Variants in ABLIM1 observed in about 807,000 individuals in gnomAD.
ABLIM1 encodes actin-binding LIM protein 1.
A neutral mutation model predicts 107.0 loss-of-function variants in ABLIM1; 40 were observed. The ratio of observed to expected loss-of-function variants is 0.37; its 90% CI spans 0.29 to 0.49. The LOEUF is 0.49. Ranked by LOEUF, ABLIM1 falls within the 20% of genes least tolerant of loss-of-function variation. The pLI is 0.97. For missense variants in ABLIM1, 857 were observed against 1,008.5 expected (o/e 0.85, Z 2.04); for synonymous variants, 357 against 357.3 (o/e 1.00, Z 0.01).
chr10:114,562,241 A>G (rs2069830997), intron 4 of ABLIM1, among the ~76,000 whole-genome samples: 1 of 152,122 alleles, frequency 6.6e-6, no homozygotes, highest in Admixed American at 6.5e-5. Flanking sequence ...TCTTAAAAAC[A>G]TGTTTTGGCC....
At chr10:114,485,502 A>T in intron 8 of ABLIM1, 1 of 810,870 alleles carries the variant, frequency 1.2e-6, no homozygotes, top group South Asian at 2.1e-5. Context: ...GAGAGTAAAC[A>T]TCAAGTGGGA....
In ABLIM1 at chr10:114,601,918, G is replaced by T; in HGVS notation, c.288C>A (p.Val96=). ...QDPHHPSEKP[V]IHCHKCGEPC... The stretch of plus-strand genomic sequence containing the variant: ...GCTCCCCACATTTATGGCAGTGAAT[G>T]ACAGGCTTCTCTGATGGGTGGTGAG... Residue 96 remains valine, a synonymous_variant, in exon 2 of 23, where the codon GTC becomes GTA. Transcript: ENST00000533213. The T allele has an allele frequency of 6.2e-7, 1 of 1,614,170 alleles. No homozygotes were observed. The highest frequency in any genetic ancestry group is 8.5e-7 in the Non-Finnish European group (1 of 1,180,032).
chr10:114,559,542 T>C (rs2069353724), intron 4 of ABLIM1, among the ~76,000 whole-genome samples: 1 of 151,428 alleles, frequency 6.6e-6, no homozygotes, highest in African/African-American at 2.4e-5. Flanking sequence ...ATGGCTGTAG[T>C]GGACAGGATG....
At chr10:114,580,205 T>TTATATATTATATA (rs560754012) in intron 2 of ABLIM1, among the ~76,000 whole-genome samples, 5,832 of 144,690 alleles carry the variant, frequency 0.04, 135 homozygotes, top group African/African-American at 0.054. Flanking sequence ...ATATTATATA[T>TTATATATTATATA]TATATATATA....
At chr10:114,630,436 G>A (rs1432823854) in intron 1 of ABLIM1, among the ~76,000 whole-genome samples, 2 of 152,118 alleles carry the variant, frequency 1.3e-5, no homozygotes, top group African/African-American at 2.4e-5. Context: ...TATTCACACC[G>A]AATCATTTCA....
rs111593074 is a variant in ABLIM1 at position 114,569,945 on chromosome 10, C to A, written c.673+1352G>T. Among the ~76,000 whole-genome samples, 1,110 of 152,282 alleles carry A rather than the reference C, an allele frequency of 7.3e-3. 12 individuals carry two copies. The highest frequency in any genetic ancestry group is 0.026 in the African/African-American group (1,071 of 41,548). On this transcript the variant is annotated intron_variant, in intron 4 of 22. Transcript: ENST00000533213. ...TTCTTTCCTCCCAATGGTCAAAAAT[C>A]CAATTTCTATGCAAATGCTTTAGTC...
At chr10:114,550,531 T>C (rs1252063947) in intron 4 of ABLIM1, among the ~76,000 whole-genome samples, 1 of 152,082 alleles carries the variant, frequency 6.6e-6, no homozygotes, top group Admixed American at 6.6e-5. Context: ...ACCATTGTTA[T>C]AATTGATGAA....
chr10:114,744,423 T>C (rs906971226), intron 1 of ABLIM1, among the ~76,000 whole-genome samples: 1 of 152,134 alleles, frequency 6.6e-6, no homozygotes, highest in Non-Finnish European at 1.5e-5. Flanking sequence ...AAACAAGTTA[T>C]CAAGACAATG....
intron 1 of ABLIM1, among the ~76,000 whole-genome samples, chr10:114,673,944 G>GA (rs948185096): frequency 1.3e-5 from 2 of 151,704 alleles, no homozygotes; most frequent in African/African-American, 4.8e-5. Flanking sequence ...GTAATCAGAG[G>GA]AAAAAAAAGT....
intron 1 of ABLIM1, among the ~76,000 whole-genome samples, chr10:114,735,907 C>T (rs1456547682): frequency 6.6e-6 from 1 of 152,298 alleles, no homozygotes; most frequent in East Asian, 1.9e-4. Flanking sequence ...GCCTCTGTCA[C>T]TAAAGAGACT....
intron 1 of ABLIM1, among the ~76,000 whole-genome samples, chr10:114,657,335 A>G (rs1164813484): frequency 2.6e-5 from 4 of 152,170 alleles, no homozygotes; most frequent in Non-Finnish European, 4.4e-5. Context: ...AGGCACCATG[A>G]TAACTTCAAA....
At chr10:114,514,286 G>A (rs1268891610) in intron 6 of ABLIM1, among the ~76,000 whole-genome samples, 1 of 143,992 alleles carries the variant, frequency 6.9e-6, no homozygotes, top group African/African-American at 2.7e-5. Flanking sequence ...GTGACAGAGC[G>A]AGACTCTGTC....
chr10:114,729,207 C>T (rs74717360), intron 1 of ABLIM1, among the ~76,000 whole-genome samples: 3 of 151,916 alleles, frequency 2.0e-5, no homozygotes, highest in Non-Finnish European at 4.4e-5. Context: ...AAGATATGAC[C>T]CAGAAGGACT....
chr10:114,767,975 G>A (rs1166433829), intron 1 of ABLIM1: 8 of 403,380 alleles, frequency 2.0e-5, no homozygotes, highest in Non-Finnish European at 3.5e-5. Flanking sequence ...GGCTGGGGCC[G>A]GCGCGGCTGT....
At chr10:114,710,938 A>T (rs557058299) in intron 1 of ABLIM1, among the ~76,000 whole-genome samples, 2 of 152,326 alleles carry the variant, frequency 1.3e-5, no homozygotes, top group South Asian at 2.1e-4. Flanking sequence ...TCCCTCACGC[A>T]TTCCAAAATC....
At chr10:114,576,043 G>T (rs150835412) in intron 2 of ABLIM1, among the ~76,000 whole-genome samples, 11 of 152,272 alleles carry the variant, frequency 7.2e-5, no homozygotes, top group African/African-American at 2.6e-4. Flanking sequence ...ATTTCCGATA[G>T]CTGTATTTTT....
At chr10:114,783,211 G>A in the ABLIM1 span, among the ~76,000 whole-genome samples, 1 of 151,886 alleles carries the variant, frequency 6.6e-6, no homozygotes, top group Non-Finnish European at 1.5e-5. Context: ...GAACCTGGGA[G>A]GCAGAGGTTG....
At chr10:114,606,024 G>T (rs1359490715) in intron 1 of ABLIM1, among the ~76,000 whole-genome samples, 7 of 152,100 alleles carry the variant, frequency 4.6e-5, no homozygotes, top group Admixed American at 4.6e-4. Flanking sequence ...AGAGGCCATG[G>T]CAGGTCATAA....
rs1205698051 is a variant in ABLIM1 at position 114,435,331 on chromosome 10, G to A, written c.*929C>T. On this transcript the variant is annotated 3_prime_UTR_variant, in exon 23 of 23. Coordinates refer to ENST00000533213, the MANE Select transcript of ABLIM1 (RefSeq NM_002313.7). ...CGACTGGAAGAACTAGAGTCAGTAG[G>A]ACATGGGACTTGTTTTTGTTTTTTG... 1 of 152,262 alleles carries A rather than the reference G, an allele frequency of 6.6e-6. No homozygotes were observed. The highest frequency in any genetic ancestry group is 2.4e-5 in the African/African-American group (1 of 41,464). The allele number at this position is 152,262 out of a possible 1,614,324, so 9.4% of individuals were successfully genotyped here.
Sources: gnomAD v4.1 joint callset for allele counts (sites outside exome capture counted in the v4.1 genomes callset) on GRCh38, gnomAD v4.1.1 for gene constraint, MANE v1.5 for transcripts, NCBI Gene and HGNC (gene_info 2026-07-23, HGNC 2026-07-21) for gene names.